PID1: variants seen among roughly 807,000 people sequenced by gnomAD.
PID1 encodes PTB-containing, cubilin and LRP1-interacting protein.
In PID1, 10 loss-of-function variants were observed where a neutral mutation model predicts 19.1. The observed-to-expected ratio is 0.52, with a 90% confidence interval of 0.32 to 0.89. The LOEUF is 0.89. Ranked by LOEUF, PID1 falls within the 40% of genes least tolerant of loss-of-function variation. PID1 has a pLI of 0.03. For missense variants in PID1, 248 were observed against 285.3 expected (o/e 0.87, Z 0.94); for synonymous variants, 130 against 116.0 (o/e 1.12, Z -0.78).
chr2:229,055,557 A>G (rs1233659472), intron 2 of PID1, among the ~76,000 whole-genome samples: 1 of 147,578 alleles, frequency 6.8e-6, no homozygotes, highest in Non-Finnish European at 1.5e-5. Context: ...GATTCTGATT[A>G]TAACTATGAC....
chr2:229,100,635 C>G (rs1321242114), intron 2 of PID1, among the ~76,000 whole-genome samples: 1 of 152,188 alleles, frequency 6.6e-6, no homozygotes, highest in Non-Finnish European at 1.5e-5. Context: ...AGATAATTCA[C>G]CCTCTATGCC....
At chr2:229,090,177 C>G (rs1322569025) in intron 2 of PID1, among the ~76,000 whole-genome samples, 1 of 152,178 alleles carries the variant, frequency 6.6e-6, no homozygotes, top group Non-Finnish European at 1.5e-5. Flanking sequence ...GAACACCTGC[C>G]TATTCCTAAG....
At chr2:229,027,949 T>C (rs1464897031) in intron 2 of PID1, among the ~76,000 whole-genome samples, 4 of 152,254 alleles carry the variant, frequency 2.6e-5, no homozygotes, top group South Asian at 2.1e-4. Context: ...CTGGATGTGA[T>C]AGAGCCTGTG....
At chr2:229,145,264 G>A (rs1414715669) in intron 2 of PID1, among the ~76,000 whole-genome samples, 1 of 148,460 alleles carries the variant, frequency 6.7e-6, no homozygotes, top group Admixed American at 6.8e-5. Context: ...TTTTAGTTTT[G>A]AAGTTATTAT....
chr2:229,112,071 T>G (rs993786554), intron 2 of PID1, among the ~76,000 whole-genome samples: 1 of 152,226 alleles, frequency 6.6e-6, no homozygotes, highest in Non-Finnish European at 1.5e-5. Context: ...AATTATTGGA[T>G]AGCATGTGAT....
rs1553565723 is a variant in PID1 at position 229,139,057 on chromosome 2, G to GAAAGAGAA, written c.177+16760_177+16761insTTCTCTTT. Among the ~76,000 whole-genome samples the GAAAGAGAA allele has an allele frequency of 3.3e-4, 15 of 45,562 alleles. 1 individual carries two copies. The highest frequency in any genetic ancestry group is 6.4e-4 in the East Asian group (1 of 1,558). The allele number at this position is 45,562 out of a possible 152,430, so 29.9% of individuals were successfully genotyped here. ...AAAGAAAGAGAAAGAAAGAAAGAAA[G>GAAAGAGAA]AGAAAGAAAGAAAGAAAGAAAGAAA... is the stretch of plus-strand genomic sequence containing the variant. On this transcript the variant is annotated intron_variant, in intron 2 of 2. Coordinates refer to ENST00000392055, the MANE Select transcript of PID1 (RefSeq NM_001100818.2).
At chr2:229,237,822 A>C (rs1201839211) in intron 1 of PID1, among the ~76,000 whole-genome samples, 2 of 152,200 alleles carry the variant, frequency 1.3e-5, no homozygotes, top group Non-Finnish European at 2.9e-5. Flanking sequence ...TATTGAAGCA[A>C]ACCATGGAAA....
intron 1 of PID1, among the ~76,000 whole-genome samples, chr2:229,269,031 T>G (rs892828196): frequency 6.6e-6 from 1 of 152,206 alleles, no homozygotes; most frequent in African/African-American, 2.4e-5. Flanking sequence ...AAAAAAATTT[T>G]TCCGCATTTG....
intron 2 of PID1, among the ~76,000 whole-genome samples, chr2:229,121,797 G>C (rs377556870): frequency 6.6e-6 from 1 of 152,144 alleles, no homozygotes; most frequent in Admixed American, 6.6e-5. Context: ...TCTAGGGACA[G>C]AACAGTGAAT....
chr2:229,140,568 GTGAAAACTGA>G (rs11277030), intron 2 of PID1, among the ~76,000 whole-genome samples: 4,073 of 152,150 alleles, frequency 0.027, 201 homozygotes, highest in African/African-American at 0.094. Context: ...TTATTCTGGG[GTGAAAACTGA>G]TGATCCAATT....
At chr2:229,262,194 T>C (rs1357059728) in intron 1 of PID1, among the ~76,000 whole-genome samples, 2 of 152,178 alleles carry the variant, frequency 1.3e-5, no homozygotes, top group Non-Finnish European at 2.9e-5. Context: ...CTTCCCTTGG[T>C]CTCAGCCTGT....
intron 2 of PID1, among the ~76,000 whole-genome samples, chr2:229,063,762 C>T (rs1207756392): frequency 1.3e-5 from 2 of 151,926 alleles, no homozygotes; most frequent in African/African-American, 4.8e-5. Flanking sequence ...TTCTATAGCA[C>T]CCTTTAGATC....
intron 1 of PID1, among the ~76,000 whole-genome samples, chr2:229,253,719 T>G (rs1690214506): frequency 6.6e-6 from 1 of 152,168 alleles, no homozygotes; most frequent in Non-Finnish European, 1.5e-5. Flanking sequence ...TTACAGAGCT[T>G]TCAAGCATGG....
chr2:229,066,295 G>C (rs966996987), intron 2 of PID1, among the ~76,000 whole-genome samples: 1 of 152,128 alleles, frequency 6.6e-6, no homozygotes, highest in Non-Finnish European at 1.5e-5. Flanking sequence ...TCACAGTCTA[G>C]TCAGGAAGAC....
chr2:229,062,965 C>T (rs10179356), intron 2 of PID1, among the ~76,000 whole-genome samples: 10,613 of 151,934 alleles, frequency 0.07, 1,244 homozygotes, highest in African/African-American at 0.24. Context: ...GTATTTGTTG[C>T]AACATCTCCT....
At chr2:229,259,457 A>G (rs1032640328) in intron 1 of PID1, among the ~76,000 whole-genome samples, 1 of 152,234 alleles carries the variant, frequency 6.6e-6, no homozygotes, top group Admixed American at 6.5e-5. Flanking sequence ...GATGTAATGA[A>G]TATGTTCATC....
intron 2 of PID1, among the ~76,000 whole-genome samples, chr2:229,108,363 A>G (rs1055724690): frequency 2.6e-5 from 4 of 152,232 alleles, no homozygotes; most frequent in Non-Finnish European, 5.9e-5. Flanking sequence ...CTTTGAGCAT[A>G]GAGCACTGAG....
At chr2:229,252,446 C>T (rs1038818994) in intron 1 of PID1, among the ~76,000 whole-genome samples, 1 of 152,148 alleles carries the variant, frequency 6.6e-6, no homozygotes, top group Admixed American at 6.5e-5. Context: ...TGCCAGCACA[C>T]ATCCTTTCCA....
At chr2:229,040,596 AG>A (rs977590363) in intron 2 of PID1, among the ~76,000 whole-genome samples, 2 of 152,214 alleles carry the variant, frequency 1.3e-5, no homozygotes, top group African/African-American at 4.8e-5. Context: ...AACACAATCA[AG>A]AGAAACAGGG....
Sources: gnomAD v4.1 joint callset for allele counts (sites outside exome capture counted in the v4.1 genomes callset) on GRCh38, gnomAD v4.1.1 for gene constraint, MANE v1.5 for transcripts, NCBI Gene and HGNC (gene_info 2026-07-23, HGNC 2026-07-21) for gene names.